The following RBFOX1 variants were observed in gnomAD, a reference collection of about 807,000 sequenced individuals.
RBFOX1 encodes RNA binding fox-1 homolog 1.
In RBFOX1, 8 loss-of-function variants were observed where a neutral mutation model predicts 57.7. The ratio of observed to expected loss-of-function variants is 0.14; its 90% CI spans 0.08 to 0.25. RBFOX1 has a LOEUF of 0.25. Ranked by LOEUF, RBFOX1 falls within the 10% of genes least tolerant of loss-of-function variation. The pLI, the probability that RBFOX1 is intolerant of heterozygous loss-of-function variation, is 1.00. For synonymous variants in RBFOX1, 326 were observed against 222.4 expected, an observed-to-expected ratio of 1.47 and a Z score of -4.15; for missense variants, 611 against 548.5, an observed-to-expected ratio of 1.11 and a Z score of -1.14.
At chr16:7,175,277 C>T (rs1320110711) in intron 4 of RBFOX1, among the ~76,000 whole-genome samples, 1 of 152,062 alleles carries the variant, frequency 6.6e-6, no homozygotes, top group Non-Finnish European at 1.5e-5. Flanking sequence ...TCAGCTCCCA[C>T]TTATAAGTGA....
At chr16:6,923,822 C>T (rs555961337) in intron 3 of RBFOX1, among the ~76,000 whole-genome samples, 10 of 152,116 alleles carry the variant, frequency 6.6e-5, no homozygotes, top group Non-Finnish European at 1.3e-4. Flanking sequence ...CATGAAACTT[C>T]AGGCAAGTGA....
At position 6,122,802 on chromosome 16, in the gene RBFOX1, A is replaced by ATGTGTGTGTGTG. The variant is rs4038155; in HGVS notation, c.-127+102828_-127+102839dup. 4.9e-3 allele frequency among the ~76,000 whole-genome samples: 722 copies of ATGTGTGTGTGTG among 147,832 alleles called. 6 individuals are homozygous for ATGTGTGTGTGTG. Among genetic ancestry groups the ATGTGTGTGTGTG allele is most frequent in the African/African-American group, 0.015 (607 of 39,704 alleles). ...ATGATCTGTGTGGCTATGTGTGTGT[A>ATGTGTGTGTGTG]TGTGTGTGTGTGTGTGTGTGTGTGT... is the stretch of plus-strand genomic sequence containing the variant. On this transcript the variant is annotated intron_variant, in intron 1 of 15. Coordinates refer to ENST00000550418, the MANE Select transcript of RBFOX1 (RefSeq NM_018723.4).
chr16:6,403,620 G>T (rs1271702882), intron 2 of RBFOX1, among the ~76,000 whole-genome samples: 1 of 152,118 alleles, frequency 6.6e-6, no homozygotes, highest in Non-Finnish European at 1.5e-5. Context: ...CTCCCAAAAT[G>T]CTGGGGTTGT....
At chr16:6,695,033 CA>C (rs1434166300) in intron 3 of RBFOX1, among the ~76,000 whole-genome samples, 1 of 152,108 alleles carries the variant, frequency 6.6e-6, no homozygotes, top group African/African-American at 2.4e-5. Flanking sequence ...CATATTAAAT[CA>C]GCCAGGCTTT....
At chr16:7,118,148 T>C (rs2066321190) in intron 4 of RBFOX1, among the ~76,000 whole-genome samples, 1 of 152,158 alleles carries the variant, frequency 6.6e-6, no homozygotes, top group Admixed American at 6.6e-5. Flanking sequence ...CTTTGAGAAA[T>C]CTGCATACTG....
intron 4 of RBFOX1, among the ~76,000 whole-genome samples, chr16:7,418,180 C>T (rs1203179666): frequency 6.6e-6 from 1 of 152,208 alleles, no homozygotes; most frequent in African/African-American, 2.4e-5. Flanking sequence ...GTTTCCATTG[C>T]TGGTCCATAG....
At chr16:6,495,156 T>A (rs2095734242) in intron 2 of RBFOX1, among the ~76,000 whole-genome samples, 1 of 152,182 alleles carries the variant, frequency 6.6e-6, no homozygotes, top group African/African-American at 2.4e-5. Flanking sequence ...TTTCACTCTT[T>A]CACCCATGCG....
intron 7 of RBFOX1, among the ~76,000 whole-genome samples, chr16:7,590,157 C>A (rs1222631020): frequency 1.3e-5 from 2 of 152,000 alleles, no homozygotes; most frequent in African/African-American, 4.8e-5. Context: ...GTCCAAGCTA[C>A]TTGGGAGGCT....
intron 3 of RBFOX1, among the ~76,000 whole-genome samples, chr16:5,806,013 A>G (rs569212724): frequency 6.6e-6 from 1 of 152,142 alleles, no homozygotes; most frequent in Non-Finnish European, 1.5e-5. Context: ...GAACATGGGT[A>G]TCAGGAGCTC....
chr16:6,598,702 C>T (rs968879566), intron 2 of RBFOX1, among the ~76,000 whole-genome samples: 1 of 152,124 alleles, frequency 6.6e-6, no homozygotes, highest in Admixed American at 6.5e-5. Flanking sequence ...AATCTCAGCA[C>T]TTTGGGTGGC....
chr16:6,411,809 G>A (rs1169717320), intron 2 of RBFOX1, among the ~76,000 whole-genome samples: 1 of 152,212 alleles, frequency 6.6e-6, no homozygotes, highest in Non-Finnish European at 1.5e-5. Context: ...CAGATGAAGT[G>A]ATTAAAATAT....
At chr16:7,278,310 A>G (rs564187391) in intron 4 of RBFOX1, among the ~76,000 whole-genome samples, 2 of 152,316 alleles carry the variant, frequency 1.3e-5, no homozygotes, top group East Asian at 3.9e-4. Flanking sequence ...GCTTAAAGAG[A>G]GATCAAACCT....
In RBFOX1 at chr16:5,565,768, A is replaced by T. The variant is rs542214699; in HGVS notation, c.259-33134A>T. Among the ~76,000 whole-genome samples the T allele has an allele frequency of 4.5e-4, 69 of 152,188 alleles. 1 individual carries two copies. In the South Asian group the frequency reaches 0.014, roughly 30 times the overall value. ...CTGTAGCCATCCTGAGATATTTTCT[A>T]GTAGCCAGTCTACTTGAGGCTAGTT... On this transcript the variant is annotated intron_variant, in intron 2 of 2. Transcript: ENST00000585867.
At chr16:5,605,944 C>T (rs1309487062) in intron 3 of RBFOX1, among the ~76,000 whole-genome samples, 1 of 152,152 alleles carries the variant, frequency 6.6e-6, no homozygotes, top group Admixed American at 6.5e-5. Flanking sequence ...TAAGCTGGCC[C>T]ACCTTTCCCA....
intron 3 of RBFOX1, among the ~76,000 whole-genome samples, chr16:6,996,972 G>A (rs949482326): frequency 2.0e-5 from 3 of 152,082 alleles, no homozygotes; most frequent in African/African-American, 7.2e-5. Flanking sequence ...TTTATAGGCA[G>A]CATTGAAGAT....
At chr16:6,075,693 G>T (rs2095888977) in intron 1 of RBFOX1, among the ~76,000 whole-genome samples, 1 of 152,308 alleles carries the variant, frequency 6.6e-6, no homozygotes, top group Middle Eastern at 3.4e-3. Context: ...ATAATCTGTT[G>T]CTATTTCAAA....
chr16:7,011,294 A>G (rs543928741), intron 3 of RBFOX1, among the ~76,000 whole-genome samples: 11 of 152,288 alleles, frequency 7.2e-5, no homozygotes, highest in East Asian at 1.9e-4. Flanking sequence ...TCAAGATGCT[A>G]TCATCATTTT....
intron 3 of RBFOX1, among the ~76,000 whole-genome samples, chr16:6,900,959 C>A (rs1005548285): frequency 1.1e-4 from 16 of 152,156 alleles, no homozygotes; most frequent in Non-Finnish European, 1.5e-5. Flanking sequence ...GGTGTGAATG[C>A]CATTTAAGAT....
intron 4 of RBFOX1, among the ~76,000 whole-genome samples, chr16:7,320,242 CT>C (rs1201689774): frequency 2.0e-5 from 3 of 152,054 alleles, no homozygotes; most frequent in African/African-American, 7.2e-5. Context: ...CCACCACCCC[CT>C]ACAGGCCCCA....
Sources: gnomAD v4.1 joint callset for allele counts (sites outside exome capture counted in the v4.1 genomes callset) on GRCh38, gnomAD v4.1.1 for gene constraint, MANE v1.5 for transcripts, NCBI Gene and HGNC (gene_info 2026-07-23, HGNC 2026-07-21) for gene names.